The following TRPC1 variants were observed in gnomAD, a reference collection of about 807,000 sequenced individuals.
TRPC1 encodes transient receptor potential cation channel subfamily C member 1.
In TRPC1, 42 loss-of-function variants were observed where a neutral mutation model predicts 88.2. The ratio of observed to expected loss-of-function variants is 0.48; its 90% CI spans 0.37 to 0.62. The LOEUF (loss-of-function observed/expected upper bound fraction) is 0.62, where lower values mean the gene tolerates loss of function less well. Among genes scored for constraint, TRPC1 ranks in the 20% least tolerant of loss-of-function variants. TRPC1 has a pLI of 0.00. For missense variants in TRPC1, 699 were observed against 957.3 expected (o/e 0.73, Z 3.56); for synonymous variants, 288 against 331.8 (o/e 0.87, Z 1.43).
intron 9 of TRPC1, among the ~76,000 whole-genome samples, chr3:142,797,272 A>G (rs1001534467): frequency 2.7e-5 from 4 of 150,454 alleles, no homozygotes; most frequent in African/African-American, 9.8e-5. Flanking sequence ...TACTTCATTT[A>G]GGATAGGAGG....
intron 4 of TRPC1, among the ~76,000 whole-genome samples, chr3:142,764,753 G>C (rs1935325243): frequency 3.3e-5 from 5 of 152,034 alleles, no homozygotes. Context: ...GATTGAATCT[G>C]TTTGGTGGTC....
intron 4 of TRPC1, among the ~76,000 whole-genome samples, chr3:142,763,839 AATATATTATAGGTTTCATACT>A (rs1328336460): frequency 6.6e-6 from 1 of 150,992 alleles, no homozygotes; most frequent in Non-Finnish European, 1.5e-5. Flanking sequence ...ATTTTTAGTG[AATATATTATAGGTTTCATACT>A]ATCATTACCA....
At chr3:142,775,813 A>G (rs1247523891) in intron 4 of TRPC1, among the ~76,000 whole-genome samples, 1 of 152,200 alleles carries the variant, frequency 6.6e-6, no homozygotes, top group Admixed American at 6.5e-5. Flanking sequence ...CATCTAAAGA[A>G]ATTCATTTTA....
At chr3:142,742,261 A>G (rs1045195496) in intron 2 of TRPC1, among the ~76,000 whole-genome samples, 2 of 152,188 alleles carry the variant, frequency 1.3e-5, no homozygotes, top group African/African-American at 4.8e-5. Flanking sequence ...ATATGCTAAA[A>G]TCTGAAGAGA....
intron 6 of TRPC1, among the ~76,000 whole-genome samples, chr3:142,782,325 T>C (rs934315617): frequency 3.9e-5 from 6 of 152,100 alleles, no homozygotes; most frequent in African/African-American, 9.7e-5. Context: ...AAGGAAGATA[T>C]TTTGCGATTT....
chr3:142,750,206 G>A (rs1026903750), intron 4 of TRPC1, among the ~76,000 whole-genome samples: 7 of 152,022 alleles, frequency 4.6e-5, no homozygotes, highest in African/African-American at 1.7e-4. Flanking sequence ...AATCTACAAG[G>A]AACTTAAATT....
rs1449990448 is a variant in TRPC1 at position 142,724,613 on chromosome 3, C to T, written c.54C>T (p.Ser18=). The T allele has an allele frequency of 3.1e-6, 5 of 1,610,682 alleles. No homozygotes were observed. Among genetic ancestry groups the T allele is most frequent in the Non-Finnish European group, 2.5e-6 (3 of 1,178,962 alleles). The change falls in exon 1 of 13, where the codon TCC becomes TCT. Residue 18 remains serine, a synonymous_variant. Coordinates refer to ENST00000476941, the MANE Select transcript of TRPC1 (RefSeq NM_001251845.2). This position sits in a 1 kb window ranked among gnomAD's most constrained non-coding sequence, Gnocchi z 5.6. ...STDLSGASSS[S]LPSSPSSSSP... ...ACCTCTCGGGCGCCTCCTCCTCCTC[C>T]CTGCCTTCCTCTCCATCCTCTTCCT...
intron 1 of TRPC1, among the ~76,000 whole-genome samples, chr3:142,733,935 T>C (rs1320735236): frequency 2.0e-5 from 3 of 152,302 alleles, no homozygotes; most frequent in African/African-American, 7.2e-5. Context: ...TGAGTCTTAA[T>C]GCCCATATGA....
At chr3:142,736,196 G>GT (rs61347262) in intron 1 of TRPC1, among the ~76,000 whole-genome samples, 183 bp from the exon 2 acceptor site, 4,419 of 151,940 alleles carry the variant, frequency 0.029, 229 homozygotes, top group African/African-American at 0.1. Context: ...GCTGATGTAC[G>GT]TATTATTTTA....
In TRPC1 at chr3:142,802,050, T is replaced by C. The variant is rs567107988; in HGVS notation, c.1582-119T>C. 9.7e-5 allele frequency: 59 copies of C among 610,012 alleles called. No homozygotes were observed. In the South Asian group the frequency reaches 1.9e-3, roughly 19 times the overall value. 37.8% of individuals were successfully genotyped at this position (610,012 alleles called of 1,614,324 possible). ...AATGATCTGTCTCAACCAGATGCAA[T>C]AGAAGGGGTGGCCTGTGGATTATGT... On this transcript the variant is annotated intron_variant, in intron 9 of 12. Transcript: ENST00000476941.
intron 2 of TRPC1, among the ~76,000 whole-genome samples, chr3:142,742,319 C>CTAAAGCATAGGCTAGG (rs1432424756): frequency 4.6e-5 from 7 of 151,858 alleles, no homozygotes; most frequent in Admixed American, 4.6e-4. Flanking sequence ...AAGCATAGGC[C>CTAAAGCATAGGCTAGG]ACAGCTCAAT....
At chr3:142,759,917 C>A (rs558236605) in intron 4 of TRPC1, among the ~76,000 whole-genome samples, 1 of 152,086 alleles carries the variant, frequency 6.6e-6, no homozygotes, top group Non-Finnish European at 1.5e-5. Flanking sequence ...TGCAGTGGCG[C>A]GATCTCGGCT....
chr3:142,777,106 G>A (rs1271727057), intron 4 of TRPC1, among the ~76,000 whole-genome samples: 1 of 152,094 alleles, frequency 6.6e-6, no homozygotes, highest in Non-Finnish European at 1.5e-5. Flanking sequence ...GAGGCCAGGA[G>A]CTTAAGACTA....
At chr3:142,748,665 C>G (rs1309889945) in intron 4 of TRPC1, among the ~76,000 whole-genome samples, 1 of 152,124 alleles carries the variant, frequency 6.6e-6, no homozygotes, top group African/African-American at 2.4e-5. Context: ...TTGCAAAAAT[C>G]CTTCAAATTA....
In TRPC1 at chr3:142,767,487, T is replaced by G. The variant is rs1935432783; in HGVS notation, c.633-10145T>G. Among the ~76,000 whole-genome samples the G allele has an allele frequency of 6.8e-6, 1 of 148,038 alleles. No individual in the cohort carries two copies. Among genetic ancestry groups the G allele is most frequent in the African/African-American group, 2.6e-5 (1 of 38,350 alleles). On this transcript the variant is annotated intron_variant, in intron 4 of 12. Transcript: ENST00000476941. This position sits in a 1 kb window ranked among gnomAD's most constrained non-coding sequence, Gnocchi z 5.1. Reference sequence around the variant, plus strand: ...TCACATATCAGGGAGTTTCCTAGATTTCCTTTTTTTGGTGATTTCTACTTT... The same window carrying G: ...TCACATATCAGGGAGTTTCCTAGATGTCCTTTTTTTGGTGATTTCTACTTT...
chr3:142,765,494 T>C (rs1484146292), intron 4 of TRPC1, among the ~76,000 whole-genome samples: 1 of 152,026 alleles, frequency 6.6e-6, no homozygotes, highest in Admixed American at 6.6e-5. Context: ...TGGAACAGAA[T>C]AGAGAATCCA....
At chr3:142,749,174 G>T (rs1934662303) in intron 4 of TRPC1, among the ~76,000 whole-genome samples, 1 of 152,116 alleles carries the variant, frequency 6.6e-6, no homozygotes, top group Non-Finnish European at 1.5e-5. Context: ...ATCGCCTACT[G>T]ATGTCATTGC....
intron 4 of TRPC1, among the ~76,000 whole-genome samples, chr3:142,757,206 G>T (rs72988625): frequency 0.03 from 4,520 of 148,516 alleles, 240 homozygotes; most frequent in African/African-American, 0.11. Flanking sequence ...ATGTTTCTTG[G>T]CTATATTGAT....
rs768330402 is a variant in TRPC1 at position 142,767,763 on chromosome 3, G to C, written c.633-9869G>C. ...TACTAAATCTACTTTCTGTCCCTAC[G>C]GATGTACCTGTTCTGGATATTTCAT... On this transcript the variant is annotated intron_variant, in intron 4 of 12. Transcript: ENST00000476941. The surrounding 1 kb of genome is among the most constrained non-coding windows in gnomAD (Gnocchi z 5.1). Among the ~76,000 whole-genome samples, 2 of 151,576 alleles carry C rather than the reference G, an allele frequency of 1.3e-5. No homozygotes were observed. The highest frequency in any genetic ancestry group is 4.8e-5 in the African/African-American group (2 of 41,328).
Sources: gnomAD v4.1 joint callset for allele counts (sites outside exome capture counted in the v4.1 genomes callset) on GRCh38, gnomAD v4.1.1 for gene constraint, Gnocchi (gnomAD v3.1) non-coding constraint, MANE v1.5 for transcripts, NCBI Gene and HGNC (gene_info 2026-07-23, HGNC 2026-07-21) for gene names.